CDH12: variants seen among roughly 807,000 people sequenced by gnomAD.
CDH12 encodes the protein cadherin 12, also known as cadherin-12.
CDH12 carries 41 observed loss-of-function variants against 74.1 expected under a neutral mutation model. The ratio of observed to expected loss-of-function variants is 0.55; its 90% CI spans 0.43 to 0.72. CDH12 has a LOEUF of 0.72. CDH12 is among the 30% of genes least tolerant of loss of function. CDH12 has a pLI of 0.00. For synonymous variants in CDH12, 399 were observed against 355.0 expected, an observed-to-expected ratio of 1.12 and a Z score of -1.39; for missense variants, 945 against 977.2, an observed-to-expected ratio of 0.97 and a Z score of 0.44.
intron 2 of CDH12, among the ~76,000 whole-genome samples, chr5:22,470,791 T>G (rs1022028307): frequency 6.6e-6 from 1 of 151,952 alleles, no homozygotes; most frequent in African/African-American, 2.4e-5. Context: ...TATCTATATA[T>G]TAAAGCTTTT....
chr5:22,424,820 T>C (rs1039518132), intron 2 of CDH12, among the ~76,000 whole-genome samples: 7 of 152,080 alleles, frequency 4.6e-5, no homozygotes, highest in Non-Finnish European at 7.4e-5. Context: ...TCTATATTGA[T>C]TGATTTGCTT....
At chr5:21,822,169 T>C (rs910070304) in intron 8 of CDH12, among the ~76,000 whole-genome samples, 1 of 146,854 alleles carries the variant, frequency 6.8e-6, no homozygotes, top group Admixed American at 6.9e-5. Context: ...AAGTCACTTA[T>C]ACAAAAGTGC....
intron 1 of CDH12, among the ~76,000 whole-genome samples, chr5:22,671,933 C>G (rs1740918967): frequency 6.7e-6 from 1 of 149,352 alleles, no homozygotes. Flanking sequence ...TTGCCAGAAT[C>G]ATTACCTCAG....
intron 2 of CDH12, among the ~76,000 whole-genome samples, chr5:22,437,662 AATT>A (rs202183057): frequency 0.014 from 2,055 of 152,068 alleles, 34 homozygotes; most frequent in Admixed American, 0.031. Context: ...GGGCTTTTAA[AATT>A]ATCTTTGGAG....
intron 11 of CDH12, among the ~76,000 whole-genome samples, chr5:21,777,357 T>G (rs2149891058): frequency 6.6e-6 from 1 of 152,292 alleles, no homozygotes; most frequent in East Asian, 1.9e-4. Context: ...TGCAAATTTC[T>G]ATTGAATTTT....
At chr5:21,987,030 T>TA (rs200304136) in intron 5 of CDH12, among the ~76,000 whole-genome samples, 2,258 of 152,204 alleles carry the variant, frequency 0.015, 55 homozygotes, top group African/African-American at 0.05. Context: ...ATAATCCCAA[T>TA]AAAGCAGCTG....
intron 1 of CDH12, among the ~76,000 whole-genome samples, chr5:22,838,846 T>C (rs976622060): frequency 1.1e-4 from 16 of 152,198 alleles, no homozygotes; most frequent in African/African-American, 3.1e-4. Context: ...GCCAGGCTAA[T>C]TTTTGTATTT....
intron 3 of CDH12, among the ~76,000 whole-genome samples, chr5:22,348,629 C>T (rs891836870): frequency 1.3e-5 from 2 of 152,184 alleles, no homozygotes; most frequent in Non-Finnish European, 2.9e-5. Context: ...TTGAATAAAA[C>T]ATTACTCTGG....
At position 22,278,353 on chromosome 5, in the gene CDH12, A is replaced by G. The variant is rs6872256; in HGVS notation, c.-332-65710T>C. 4.5e-3 allele frequency among the ~76,000 whole-genome samples: 687 copies of G among 152,304 alleles called. 8 individuals are homozygous for G. Among genetic ancestry groups the G allele is most frequent in the African/African-American group, 0.016 (658 of 41,562 alleles). ...GTTGGCTCTACCACCTGGCCTAAGT[A>G]CTGAGCCTCTGTCAGCCAAAAGGAT... On this transcript the variant is annotated intron_variant, in intron 3 of 14. Coordinates refer to ENST00000382254, the MANE Select transcript of CDH12 (RefSeq NM_004061.5).
chr5:21,967,841 A>G (rs1756655742), intron 6 of CDH12, among the ~76,000 whole-genome samples: 1 of 152,134 alleles, frequency 6.6e-6, no homozygotes, highest in African/African-American at 2.4e-5. Context: ...AACTGCGTGC[A>G]GTGGACACTT....
intron 1 of CDH12, among the ~76,000 whole-genome samples, chr5:22,607,604 C>T (rs908564047): frequency 6.6e-6 from 1 of 152,218 alleles, no homozygotes; most frequent in Non-Finnish European, 1.5e-5. Context: ...TCCCACAACA[C>T]GTGGGCATTC....
chr5:22,680,247 A>T (rs1374448413), intron 1 of CDH12, among the ~76,000 whole-genome samples: 1 of 152,082 alleles, frequency 6.6e-6, no homozygotes, highest in Non-Finnish European at 1.5e-5. Context: ...TATTACCTTC[A>T]CTTGAACTGG....
chr5:21,900,896 A>C (rs563318401), intron 6 of CDH12, among the ~76,000 whole-genome samples: 1 of 152,330 alleles, frequency 6.6e-6, no homozygotes, highest in African/African-American at 2.4e-5. Context: ...TGAGAAAAGA[A>C]GTGAGCATCA....
At chr5:22,714,344 G>A (rs549660711) in intron 1 of CDH12, among the ~76,000 whole-genome samples, 1 of 152,272 alleles carries the variant, frequency 6.6e-6, no homozygotes, top group African/African-American at 2.4e-5. Context: ...TTTCTCATTA[G>A]CTTGAAGGTG....
At chr5:22,126,761 T>G (rs1745893485) in intron 4 of CDH12, among the ~76,000 whole-genome samples, 2 of 152,190 alleles carry the variant, frequency 1.3e-5, no homozygotes, top group South Asian at 2.1e-4. Context: ...TCCAGCCACT[T>G]GCAGAAATGG....
chr5:22,416,932 T>C (rs187390247), intron 2 of CDH12, among the ~76,000 whole-genome samples: 73 of 152,224 alleles, frequency 4.8e-4, no homozygotes, highest in African/African-American at 1.6e-3. Context: ...ATGAAAATGA[T>C]CCTTTCAAAG....
At chr5:22,789,147 A>G (rs963083502) in intron 1 of CDH12, among the ~76,000 whole-genome samples, 2 of 152,226 alleles carry the variant, frequency 1.3e-5, no homozygotes, top group Middle Eastern at 3.4e-3. Context: ...TGTGAGAAAG[A>G]AAATAAAAGG....
intron 1 of CDH12, among the ~76,000 whole-genome samples, chr5:22,612,638 T>A (rs1478842478): frequency 6.6e-6 from 1 of 152,140 alleles, no homozygotes; most frequent in Non-Finnish European, 1.5e-5. Context: ...GCTGTGAATG[T>A]CAATGTGATG....
intron 5 of CDH12, among the ~76,000 whole-genome samples, chr5:21,981,418 T>C (rs1314543587): frequency 6.6e-6 from 1 of 152,152 alleles, no homozygotes; most frequent in Non-Finnish European, 1.5e-5. Context: ...CCCATTTGTC[T>C]ATCTGTTAAC....
Sources: gnomAD v4.1 joint callset for allele counts (sites outside exome capture counted in the v4.1 genomes callset) on GRCh38, gnomAD v4.1.1 for gene constraint, MANE v1.5 for transcripts, NCBI Gene and HGNC (gene_info 2026-07-23, HGNC 2026-07-21) for gene names.